EYS: variants seen among roughly 807,000 people sequenced by gnomAD.
The protein encoded by EYS is protein eyes shut homolog.
EYS carries 250 observed loss-of-function variants against 282.1 expected under a neutral mutation model. The ratio of observed to expected loss-of-function variants is 0.89; its 90% CI spans 0.80 to 0.98. The LOEUF is 0.98. EYS is among the 50% of genes least tolerant of loss of function. The pLI, the probability that EYS is intolerant of heterozygous loss-of-function variation, is 0.00. For missense variants in EYS, 4,016 were observed against 3,709.0 expected (o/e 1.08, Z -2.15); for synonymous variants, 1,355 against 1,282.9 (o/e 1.06, Z -1.20).
At chr6:64,821,764 T>A in intron 20 of EYS, 41 bp from the exon 21 acceptor site, 2 of 1,169,154 alleles carry the variant, frequency 1.7e-6, no homozygotes, top group Non-Finnish European at 2.5e-6. Flanking sequence ...AATAAGTAGA[T>A]GTTAAAGCAT....
intron 19 of EYS, among the ~76,000 whole-genome samples, chr6:64,858,821 TA>T (rs937607289): frequency 6.6e-6 from 1 of 152,022 alleles, no homozygotes; most frequent in African/African-American, 2.4e-5. Context: ...AGATTAAGCA[TA>T]AAGGGAATGT....
In EYS at chr6:64,736,849, CA is replaced by C. The variant is rs1772199867; in HGVS notation, c.3443+76528del. ...GAAGACAGAGAATAAGGTAATCACA[CA>C]AAGAAACATAAAATAAAAATTCACA... On this transcript the variant is annotated intron_variant, in intron 22 of 42. Transcript: ENST00000503581. 2.0e-5 allele frequency among the ~76,000 whole-genome samples: 3 copies of C among 151,792 alleles called. No individual in the cohort carries two copies. In the South Asian group the frequency reaches 6.2e-4, roughly 31 times the overall value.
chr6:64,642,593 C>G lies in EYS; in HGVS notation c.3444-16348G>C, dbSNP rs574847050. ...TTTCAACATATATAATTTTCCTCTT[C>G]TTTGGAGAAATCATAAATGAAATGC... On this transcript the variant is annotated intron_variant, in intron 22 of 42. Transcript: ENST00000503581. 2.6e-5 allele frequency among the ~76,000 whole-genome samples: 4 copies of G among 152,284 alleles called. No homozygotes were observed. The South Asian group carries it at 8.3e-4, about 32-fold the overall frequency.
intron 1 of EYS, among the ~76,000 whole-genome samples, chr6:65,699,703 T>G (rs1339777713): frequency 6.6e-6 from 1 of 152,142 alleles, no homozygotes; most frequent in African/African-American, 2.4e-5. Flanking sequence ...GCCCAAGTGC[T>G]GGAATGACTG....
Position 65,169,841 on chromosome 6 carries a change from T to G in EYS, c.2024-112114A>C, listed in dbSNP as rs115758003. 6.4e-3 allele frequency among the ~76,000 whole-genome samples: 970 copies of G among 151,622 alleles called. 12 individuals are homozygous for G. Among genetic ancestry groups the G allele is most frequent in the African/African-American group, 0.022 (913 of 41,474 alleles). On this transcript the variant is annotated intron_variant, in intron 12 of 42. Coordinates refer to ENST00000503581, the MANE Select transcript of EYS (RefSeq NM_001142800.2). ...AGGATGTTTTACTAAATTGTTACACTAAACAGTTGGAACAACTTCCTTTGG... is the reference window on the plus strand; with the variant it reads ...AGGATGTTTTACTAAATTGTTACACGAAACAGTTGGAACAACTTCCTTTGG...
intron 33 of EYS, among the ~76,000 whole-genome samples, chr6:64,031,358 A>G (rs1002567595): frequency 9.7e-4 from 148 of 152,336 alleles, no homozygotes; most frequent in African/African-American, 2.7e-3. Flanking sequence ...CCCATGGGGC[A>G]GGACTGCGGA....
chr6:64,739,813 A>G (rs1323812822), intron 22 of EYS, among the ~76,000 whole-genome samples: 11 of 152,198 alleles, frequency 7.2e-5, no homozygotes, highest in Non-Finnish European at 1.6e-4. Flanking sequence ...GGGTCCTAGA[A>G]TAACCCTATT....
At chr6:65,160,110 G>T (rs539474453) in intron 12 of EYS, among the ~76,000 whole-genome samples, 1 of 150,218 alleles carries the variant, frequency 6.7e-6, no homozygotes, top group East Asian at 2.0e-4. Flanking sequence ...TCAGTACAGC[G>T]TTTTTTTTGT....
At chr6:65,488,589 C>G (rs1356992030) in intron 5 of EYS, among the ~76,000 whole-genome samples, 2 of 152,124 alleles carry the variant, frequency 1.3e-5, no homozygotes, top group Non-Finnish European at 2.9e-5. Flanking sequence ...CCCCATCAAG[C>G]TACCACTGAC....
chr6:63,879,105 C>A (rs1299437922), intron 35 of EYS, among the ~76,000 whole-genome samples: 1 of 152,084 alleles, frequency 6.6e-6, no homozygotes, highest in Non-Finnish European at 1.5e-5. Context: ...CCCCCTATTT[C>A]AGGGAGAAAA....
chr6:65,227,678 C>T (rs1345809133), intron 12 of EYS, among the ~76,000 whole-genome samples: 1 of 152,030 alleles, frequency 6.6e-6, no homozygotes, highest in Admixed American at 6.6e-5. Context: ...CTGAAATATC[C>T]ATACATTGAT....
chr6:65,405,259 G>A lies in EYS; in HGVS notation c.971C>T (p.Ser324Phe), dbSNP rs1333464649. Residue 324 changes from serine to phenylalanine, a missense_variant, in exon 6 of 43, where the codon TCT becomes TTT. Transcript: ENST00000503581. ...ATCAGTTTCACCATTTTGGCTGGAA[G>A]ATCCTTTTGGGCATTCATAAGTATA... The part of the protein sequence containing the change: ...SAYTYECPKG[S>F]SSQNGETDVS... 2 of 1,613,120 alleles carry A rather than the reference G, an allele frequency of 1.2e-6. No homozygotes were observed. Among genetic ancestry groups the A allele is most frequent in the Non-Finnish European group, 8.5e-7 (1 of 1,179,480 alleles).
chr6:64,402,322 G>A (rs1406424448), intron 28 of EYS, among the ~76,000 whole-genome samples: 12 of 152,022 alleles, frequency 7.9e-5, no homozygotes, highest in Admixed American at 6.6e-4. Flanking sequence ...CTCTCAATTG[G>A]CAGAGTTGTG....
At position 64,574,032 on chromosome 6, in the gene EYS, C is replaced by T. The variant is rs183517757; in HGVS notation, c.5644+16191G>A. 5.9e-5 allele frequency among the ~76,000 whole-genome samples: 9 copies of T among 152,198 alleles called. No homozygotes were observed. The East Asian group carries it at 1.4e-3, about 23-fold the overall frequency. ...CAAAGACTTGAAACCAACCCAAATG[C>T]CCATCAATGATAGACTGGACAAAGA... is the stretch of plus-strand genomic sequence containing the variant. On this transcript the variant is annotated intron_variant, in intron 26 of 42. Coordinates refer to ENST00000503581, the MANE Select transcript of EYS (RefSeq NM_001142800.2).
chr6:63,774,817 A>C lies in EYS; in HGVS notation c.7898+3189T>G, dbSNP rs181549168. ...GCTAGACATGGTGGAAGAAATTGGC[A>C]AAAATGTAAAATATCTTTCTTCTCA... On this transcript the variant is annotated intron_variant, in intron 40 of 42. Coordinates refer to ENST00000503581, the MANE Select transcript of EYS (RefSeq NM_001142800.2). Among the ~76,000 whole-genome samples, 7 of 152,162 alleles carry C rather than the reference A, an allele frequency of 4.6e-5. No homozygotes were observed. The East Asian group carries it at 1.4e-3, about 29-fold the overall frequency.
intron 22 of EYS, among the ~76,000 whole-genome samples, chr6:64,673,751 T>C (rs551898286): frequency 6.6e-6 from 1 of 152,206 alleles, no homozygotes; most frequent in African/African-American, 2.4e-5. Flanking sequence ...TAATGCCTAC[T>C]ACAGTACCTA....
chr6:65,451,592 T>A (rs1764400336), intron 5 of EYS, among the ~76,000 whole-genome samples: 1 of 152,046 alleles, frequency 6.6e-6, no homozygotes, highest in Non-Finnish European at 1.5e-5. Flanking sequence ...CACAGTATTG[T>A]CACATTTTAA....
chr6:63,763,744 T>C (rs1394672855), intron 40 of EYS, among the ~76,000 whole-genome samples: 1 of 151,808 alleles, frequency 6.6e-6, no homozygotes, highest in Admixed American at 6.6e-5. Context: ...ATTAAACCTC[T>C]TTCCTTTATA....
Position 65,338,467 on chromosome 6 carries a change from T to C in EYS, c.1600-3321A>G, listed in dbSNP as rs149224682. On this transcript the variant is annotated intron_variant, in intron 10 of 42. Transcript: ENST00000503581. ...TTTATACAAAAAATTCTATTAAACA[T>C]TCTATCAAAACATTACATCAAACAT... Among the ~76,000 whole-genome samples, 491 of 151,260 alleles carry C rather than the reference T, an allele frequency of 3.2e-3. 1 individual carries two copies. The highest frequency in any genetic ancestry group is 0.011 in the African/African-American group (474 of 41,450).
Sources: allele counts gnomAD v4.1 joint callset (sites outside exome capture counted in the v4.1 genomes callset), GRCh38; gene constraint gnomAD v4.1.1; transcripts MANE v1.5; gene names NCBI Gene and HGNC (gene_info 2026-07-23, HGNC 2026-07-21).